Variants in HELZ observed in about 807,000 individuals in gnomAD.
HELZ encodes the protein helicase with zinc finger.
HELZ carries 23 observed loss-of-function variants against 218.2 expected under a neutral mutation model. The observed-to-expected ratio is 0.11, with a 90% CI of 0.08 to 0.15. The LOEUF is 0.15. Ranked by LOEUF, HELZ falls within the 10% of genes least tolerant of loss-of-function variation. The pLI is 1.00. For synonymous variants in HELZ, 814 were observed against 829.4 expected, an observed-to-expected ratio of 0.98 and a Z score of 0.32; for missense variants, 1,813 against 2,353.7, an observed-to-expected ratio of 0.77 and a Z score of 4.75.
At chr17:67,199,209 A>ATTT (rs1451561194) in intron 7 of HELZ, among the ~76,000 whole-genome samples, 1 of 128,478 alleles carries the variant, frequency 7.8e-6, no homozygotes, top group Non-Finnish European at 1.7e-5. Context: ...TTTTGCCATT[A>ATTT]CTTTTTTTTT....
chr17:67,130,356 A>G (rs2037940166), intron 23 of HELZ, among the ~76,000 whole-genome samples: 1 of 152,172 alleles, frequency 6.6e-6, no homozygotes, highest in African/African-American at 2.4e-5. Flanking sequence ...AAAAAAAATT[A>G]AAAATTTTAA....
chr17:67,242,178 G>T (rs1436136829), intron 2 of HELZ, among the ~76,000 whole-genome samples: 1 of 152,192 alleles, frequency 6.6e-6, no homozygotes, highest in African/African-American at 2.4e-5. Flanking sequence ...CACTTTGGGA[G>T]GCCAAGGCGG....
chr17:67,164,268 C>T (rs2039074457), intron 15 of HELZ, among the ~76,000 whole-genome samples: 1 of 152,094 alleles, frequency 6.6e-6, no homozygotes, highest in African/African-American at 2.4e-5. Context: ...CTGAGCCTAG[C>T]GCATGTCAGG....
At chr17:67,088,629 G>GTC (rs1208339483) in intron 31 of HELZ, among the ~76,000 whole-genome samples, 2 of 152,190 alleles carry the variant, frequency 1.3e-5, no homozygotes, top group African/African-American at 4.8e-5. Flanking sequence ...CATTTCCACA[G>GTC]TCTTAGCTAT....
chr17:67,131,198 T>C (rs981700467), intron 23 of HELZ, among the ~76,000 whole-genome samples: 2 of 152,190 alleles, frequency 1.3e-5, no homozygotes, highest in Non-Finnish European at 2.9e-5. Context: ...TCTAGCTCAA[T>C]TTTTAATATC....
chr17:67,143,435 C>T (rs1224793551), intron 21 of HELZ, among the ~76,000 whole-genome samples: 1 of 151,870 alleles, frequency 6.6e-6, no homozygotes, highest in Admixed American at 6.6e-5. Flanking sequence ...TAGTAAGACC[C>T]CATCTCTACA....
chr17:67,160,921 T>A lies in HELZ; in HGVS notation c.2051A>T (p.His684Leu), dbSNP rs769635388. 3 of 1,609,108 alleles carry A rather than the reference T, an allele frequency of 1.9e-6. No individual in the cohort carries two copies. Among genetic ancestry groups the A allele is most frequent in the African/African-American group, 1.3e-5 (1 of 74,702 alleles). Residue 684 changes from histidine to leucine, a missense_variant, in exon 16 of 33, where the codon CAT becomes CTT. Coordinates refer to ENST00000358691, the MANE Select transcript of HELZ (RefSeq NM_014877.4). ...KTFTLAQAVK[H>L]ILQQQETRIL... ...CCTAGTCTCCTGTTGCTGCAGAATATGTTTGACAGCCTGAGCTAGAGTGAA... is the reference window on the plus strand; with the variant it reads ...CCTAGTCTCCTGTTGCTGCAGAATAAGTTTGACAGCCTGAGCTAGAGTGAA...
intron 21 of HELZ, among the ~76,000 whole-genome samples, chr17:67,139,343 T>C (rs182450332): frequency 2.6e-5 from 4 of 151,928 alleles, no homozygotes; most frequent in Non-Finnish European, 4.4e-5. Flanking sequence ...GGAAACAGAG[T>C]AGACATACTC....
Position 67,132,183 on chromosome 17 carries a change from A to G in HELZ, c.3183-3328T>C, listed in dbSNP as rs541032692. On this transcript the variant is annotated intron_variant, in intron 23 of 32. Coordinates refer to ENST00000358691, the MANE Select transcript of HELZ (RefSeq NM_014877.4). ...TAACCTTACTTCTAGGATCACTGAT[A>G]AAACACTAAAAAATCACTTGGTGTC... 2.0e-5 allele frequency among the ~76,000 whole-genome samples: 3 copies of G among 152,150 alleles called. No individual in the cohort carries two copies. In the South Asian group the frequency reaches 6.2e-4, roughly 32 times the overall value.
rs1473602598 is a variant in HELZ, at chr17:67,114,316, C to T, written c.3918+8G>A. 2 of 1,580,212 alleles carry T rather than the reference C, an allele frequency of 1.3e-6. No homozygotes were observed. Among genetic ancestry groups the T allele is most frequent in the Admixed American group, 1.7e-5 (1 of 59,976 alleles). ...CCACTAGGACAACACAGTAACTAAG[C>T]AGCATACCTGTTTTGGTTCTGTTGG... On this transcript the variant is annotated splice_region_variant and intron_variant, in intron 28 of 32. Transcript: ENST00000358691.
In HELZ at chr17:67,119,422, T is replaced by G. The variant is rs575198857; in HGVS notation, c.3838+983A>C. 2.0e-5 allele frequency among the ~76,000 whole-genome samples: 3 copies of G among 152,274 alleles called. No homozygotes were observed. The East Asian group carries it at 5.8e-4, about 29-fold the overall frequency. On this transcript the variant is annotated intron_variant, in intron 27 of 32. Transcript: ENST00000358691. Reference sequence around the variant, plus strand: ...ATAGAATTCCATTTTTATGACATACTAGAGAGTATGGGACAAAAGTCAGAT... The same window carrying G: ...ATAGAATTCCATTTTTATGACATACGAGAGAGTATGGGACAAAAGTCAGAT...
At chr17:67,124,251 G>A (rs2037712670) in intron 24 of HELZ, among the ~76,000 whole-genome samples, 1 of 151,668 alleles carries the variant, frequency 6.6e-6, no homozygotes, top group Non-Finnish European at 1.5e-5. Context: ...TCAAATTAAG[G>A]GTATCTAAAA....
chr17:67,194,227 T>C (rs1205038106), intron 8 of HELZ, among the ~76,000 whole-genome samples, 185 bp from the exon 9 acceptor site: 1 of 152,208 alleles, frequency 6.6e-6, no homozygotes, highest in African/African-American at 2.4e-5. Context: ...TAGGAATCAC[T>C]GAAGAGGCAG....
chr17:67,199,016 T>C (rs915007220), intron 7 of HELZ, among the ~76,000 whole-genome samples: 1 of 152,110 alleles, frequency 6.6e-6, no homozygotes, highest in East Asian at 1.9e-4. Flanking sequence ...GATTATCAGA[T>C]GTAAAGTTGG....
At chr17:67,138,242 T>A in intron 21 of HELZ, 128 bp from the exon 22 acceptor site, 24 of 528,812 alleles carry the variant, frequency 4.5e-5, no homozygotes, top group Non-Finnish European at 6.8e-5. Flanking sequence ...AAAAAAAAAC[T>A]ACCCCTAAAT....
intron 4 of HELZ, among the ~76,000 whole-genome samples, chr17:67,217,858 T>G (rs1384615921): frequency 6.6e-6 from 1 of 151,814 alleles, no homozygotes; most frequent in Non-Finnish European, 1.5e-5. Context: ...TGCCCTGTTC[T>G]CCTTTTTTCA....
chr17:67,208,313 T>G (rs1464938783), intron 5 of HELZ, among the ~76,000 whole-genome samples: 2 of 152,150 alleles, frequency 1.3e-5, no homozygotes, highest in African/African-American at 4.8e-5. Flanking sequence ...TTCACGATGA[T>G]GGAGCAGTTC....
rs2035901582 is a variant in HELZ, at chr17:67,072,036, C to T, written c.*6216G>A. On this transcript the variant is annotated 3_prime_UTR_variant, in exon 33 of 33. Transcript: ENST00000358691. Reference sequence around the variant, plus strand: ...CCACAAAAAAAAAAAATAATAATAACCATAAAAACTAAAACATTTGCCAGG... The same window carrying T: ...CCACAAAAAAAAAAAATAATAATAATCATAAAAACTAAAACATTTGCCAGG... 1 of 152,238 alleles carries T rather than the reference C, an allele frequency of 6.6e-6. No homozygotes were observed. The highest frequency in any genetic ancestry group is 1.5e-5 in the Non-Finnish European group (1 of 68,004). 9.4% of individuals were successfully genotyped at this position (152,238 alleles called of 1,614,324 possible).
chr17:67,217,176 C>T (rs964074067), intron 4 of HELZ, among the ~76,000 whole-genome samples: 2 of 152,180 alleles, frequency 1.3e-5, no homozygotes, highest in African/African-American at 4.8e-5. Context: ...CCTTCCCCCA[C>T]AAAACCTCCT....
Sources: gnomAD v4.1 joint callset for allele counts (sites outside exome capture counted in the v4.1 genomes callset) on GRCh38, gnomAD v4.1.1 for gene constraint, MANE v1.5 for transcripts, NCBI Gene and HGNC (gene_info 2026-07-23, HGNC 2026-07-21) for gene names.